The following SMPD4 variants were observed in gnomAD, a reference collection of about 807,000 sequenced individuals.
SMPD4 encodes neutral sphingomyelinase 3.
SMPD4 carries 58 observed loss-of-function variants against 97.8 expected under a neutral mutation model. The ratio of observed to expected loss-of-function variants is 0.59; its 90% CI spans 0.48 to 0.74. The LOEUF is 0.74. Among genes scored for constraint, SMPD4 ranks in the 30% least tolerant of loss-of-function variants. The pLI is 0.00. For missense variants in SMPD4, 853 were observed against 1,080.5 expected (o/e 0.79, Z 2.95); for synonymous variants, 388 against 450.0 (o/e 0.86, Z 1.74).
chr2:130,153,154 T>A lies in SMPD4; in HGVS notation c.2043A>T (p.Arg681=), dbSNP rs1387346554. 6.2e-7 allele frequency: 1 copy of A among 1,613,624 alleles called. No individual in the cohort carries two copies. Among genetic ancestry groups the A allele is most frequent in the Non-Finnish European group, 8.5e-7 (1 of 1,179,966 alleles). The change falls in exon 19 of 20, where the codon CGA becomes CGT. Residue 681 remains arginine (R), a synonymous_variant. Transcript: ENST00000680298. ...CCCCCTGGTACTCAATTTCAAACCT[T>A]CGCAGCCCATTGATGATCTAGAAAG... is the stretch of plus-strand genomic sequence containing the variant. The part of the protein sequence containing the change: ...LGRYQIINGL[R]RFEIEYQGDP...
chr2:130,161,297 CG>C (rs907419828), intron 10 of SMPD4, 25 bp from the exon 11 acceptor site: 3 of 1,606,838 alleles, frequency 1.9e-6, no homozygotes, highest in African/African-American at 1.3e-5. Context: ...AGAGAGATGC[CG>C]GAAGAGGCCG....
At chr2:130,175,357 A>T (rs72994911) in intron 2 of SMPD4, among the ~76,000 whole-genome samples, 2,223 of 152,260 alleles carry the variant, frequency 0.015, 56 homozygotes, top group African/African-American at 0.051. Context: ...ACCCCTCACA[A>T]ACCACAGAGT....
rs371030132 is a variant in SMPD4, at chr2:130,175,729, C to T, written c.40-729G>A. On this transcript the variant is annotated intron_variant, in intron 2 of 19. Transcript: ENST00000680298. ...GCGAATGGATTAAGATCAGGAGAAA[C>T]GGCTAGAATTTCAACCTAGAGAGCT... Among the ~76,000 whole-genome samples the T allele has an allele frequency of 2.0e-4, 31 of 152,268 alleles. No homozygotes were observed. In the East Asian group the frequency reaches 3.9e-3, roughly 19 times the overall value.
At position 130,167,526 on chromosome 2, in the gene SMPD4, A is replaced by G. The variant is rs1336956835; in HGVS notation, c.724T>C (p.Ser242Pro). The G allele has an allele frequency of 6.2e-7, 1 of 1,613,706 alleles. No individual in the cohort carries two copies. Among genetic ancestry groups the G allele is most frequent in the African/African-American group, 1.3e-5 (1 of 74,878 alleles). The change falls in exon 9 of 20, where the codon TCT (serine) becomes CCT (proline). Residue 242 changes from serine to proline, a missense_variant. Ser to Pro is a moderately conservative substitution (Grantham distance 74, BLOSUM62 -1). Transcript: ENST00000680298. ...HHTSLLKRHISHQTSVNADPA... is the reference protein window; with the variant it reads ...HHTSLLKRHIPHQTSVNADPA... The stretch of plus-strand genomic sequence containing the variant: ...TCTGCATTCACAGACGTCTGATGAG[A>G]GATGTGTCGCTTTAGGAGGCTAGTG...
At chr2:130,157,555 T>C in intron 11 of SMPD4, 159 bp from the exon 12 acceptor site, 3 of 1,401,594 alleles carry the variant, frequency 2.1e-6, no homozygotes, top group Non-Finnish European at 2.9e-6. Flanking sequence ...GGGGCACCAC[T>C]GTGCCTGGCA....
intron 13 of SMPD4, 174 bp from the exon 14 acceptor site, chr2:130,156,309 GC>G: frequency 1.5e-6 from 1 of 688,026 alleles, no homozygotes; most frequent in Non-Finnish European, 2.5e-6. Flanking sequence ...CCCTCCAGAA[GC>G]CAGGGTGGGC....
chr2:130,161,832 C>G (rs1454641614), intron 10 of SMPD4, among the ~76,000 whole-genome samples: 1 of 152,222 alleles, frequency 6.6e-6, no homozygotes, highest in African/African-American at 2.4e-5. Flanking sequence ...GCCCAGAAAA[C>G]ACATGTGGAA....
intron 2 of SMPD4, among the ~76,000 whole-genome samples, chr2:130,175,551 A>G (rs1688909591): frequency 6.6e-6 from 1 of 152,212 alleles, no homozygotes; most frequent in Admixed American, 6.5e-5. Context: ...AACACAGGGC[A>G]GACAAAAATT....
At chr2:130,172,523 A>G in intron 7 of SMPD4, 23 bp from the exon 8 acceptor site, 1 of 1,612,374 alleles carries the variant, frequency 6.2e-7, no homozygotes, top group African/African-American at 1.3e-5. Flanking sequence ...GCTAGTTGTT[A>G]GCATGGGCTC....
intron 5 of SMPD4, 76 bp from the exon 6 acceptor site, chr2:130,172,971 G>A: frequency 6.5e-7 from 1 of 1,530,606 alleles, no homozygotes; most frequent in Non-Finnish European, 8.8e-7. Flanking sequence ...CACATGCACA[G>A]CAGCACTTTG....
intron 8 of SMPD4, among the ~76,000 whole-genome samples, chr2:130,170,664 T>G (rs1239079940): frequency 6.6e-6 from 1 of 151,434 alleles, no homozygotes. Flanking sequence ...CTTGGGAGGT[T>G]GAAGTGGGAG....
chr2:130,177,842 TCTC>T (rs1375327516), intron 1 of SMPD4, among the ~76,000 whole-genome samples: 2 of 152,164 alleles, frequency 1.3e-5, no homozygotes, highest in Non-Finnish European at 2.9e-5. Context: ...TCTCTATATA[TCTC>T]CTCATTTAAT....
chr2:130,168,341 T>G (rs1472261923), intron 8 of SMPD4, among the ~76,000 whole-genome samples: 2 of 152,092 alleles, frequency 1.3e-5, no homozygotes, highest in Admixed American at 6.6e-5. Context: ...GGAGGATCAC[T>G]TGAGCCCAGG....
chr2:130,171,741 C>T (rs1251878898), intron 8 of SMPD4, among the ~76,000 whole-genome samples: 2 of 152,214 alleles, frequency 1.3e-5, no homozygotes, highest in African/African-American at 4.8e-5. Flanking sequence ...CATGCAGCTT[C>T]CTGGGGAAGG....
intron 8 of SMPD4, among the ~76,000 whole-genome samples, chr2:130,171,106 AC>A (rs1688414679): frequency 6.7e-6 from 1 of 148,330 alleles, no homozygotes; most frequent in South Asian, 2.1e-4. Context: ...AAATAAATAA[AC>A]CCAAACCATA....
chr2:130,154,716 A>C, intron 15 of SMPD4: 1 of 593,922 alleles, frequency 1.7e-6, no homozygotes, highest in South Asian at 2.0e-5. Context: ...GGTAAACAAC[A>C]GGAGGATCGA....
chr2:130,163,777 C>T (rs1176628314), intron 10 of SMPD4, among the ~76,000 whole-genome samples: 4 of 152,222 alleles, frequency 2.6e-5, no homozygotes, highest in African/African-American at 9.6e-5. Context: ...CCAGGGCCTC[C>T]GCCACCTCCA....
chr2:130,168,772 A>G (rs1288368200), intron 8 of SMPD4, among the ~76,000 whole-genome samples: 1 of 140,816 alleles, frequency 7.1e-6, no homozygotes, highest in Non-Finnish European at 1.5e-5. Context: ...CCCAGGCTGG[A>G]GTACAGGGGC....
rs1381415544 is a variant in SMPD4 at position 130,181,601 on chromosome 2, T to C, written c.-117A>G. On this transcript the variant is annotated 5_prime_UTR_variant, in exon 1 of 20. An upstream start codon of the reference 5' UTR is lost. Coordinates refer to ENST00000680298, the MANE Select transcript of SMPD4 (RefSeq NM_017951.5). ...TCCGCCACGGCGCCGAAAGTCGTCA[T>C]CAAGCTGCGCGCAGAGCCACGCCCC... is the stretch of plus-strand genomic sequence containing the variant. 2.5e-6 allele frequency: 4 copies of C among 1,600,194 alleles called. No homozygotes were observed. The highest frequency in any genetic ancestry group is 3.4e-6 in the Non-Finnish European group (4 of 1,174,340).
Sources: gnomAD v4.1 joint callset for allele counts (sites outside exome capture counted in the v4.1 genomes callset) on GRCh38, gnomAD v4.1.1 for gene constraint, MANE v1.5 for transcripts, NCBI Gene and HGNC (gene_info 2026-07-23, HGNC 2026-07-21) for gene names.